The following B3GALT1 variants were observed in gnomAD, a reference collection of about 807,000 sequenced individuals.
B3GALT1 encodes UDP-Gal:betaGlcNAc beta 1,3-galactosyltransferase, polypeptide 1.
A neutral mutation model predicts 23.2 loss-of-function variants in B3GALT1; 10 were observed. The ratio of observed to expected loss-of-function variants is 0.43; its 90% CI spans 0.27 to 0.73. The LOEUF is 0.73. Ranked by LOEUF, B3GALT1 falls within the 30% of genes least tolerant of loss-of-function variation. B3GALT1 has a pLI of 0.21. For synonymous variants in B3GALT1, 156 were observed against 141.5 expected (o/e 1.10, Z -0.73); for missense variants, 299 against 405.4 (o/e 0.74, Z 2.25).
At chr2:167,358,564 A>T (rs1042852907) in intron 1 of B3GALT1, among the ~76,000 whole-genome samples, 8 of 152,242 alleles carry the variant, frequency 5.3e-5, no homozygotes, top group African/African-American at 1.9e-4. Flanking sequence ...TTTTTTAGTA[A>T]TAATGACTAT....
intron 2 of B3GALT1, among the ~76,000 whole-genome samples, chr2:167,498,608 C>G (rs901157023): frequency 6.6e-6 from 1 of 151,976 alleles, no homozygotes; most frequent in African/African-American, 2.4e-5. Context: ...AGAATGGGAA[C>G]AGATCTTAAT....
intron 2 of B3GALT1, among the ~76,000 whole-genome samples, chr2:167,558,546 T>A (rs934456522): frequency 1.3e-5 from 2 of 152,180 alleles, no homozygotes; most frequent in African/African-American, 4.8e-5. Context: ...GGAGTTCCCT[T>A]TCCTGGTCAA....
At chr2:167,652,979 G>A (rs1292978842) in intron 3 of B3GALT1, among the ~76,000 whole-genome samples, 1 of 152,060 alleles carries the variant, frequency 6.6e-6, no homozygotes, top group Non-Finnish European at 1.5e-5. Context: ...TGTGTCTTGT[G>A]TGTAGAAAAA....
At chr2:167,492,027 T>G (rs1237750983) in intron 2 of B3GALT1, among the ~76,000 whole-genome samples, 2 of 152,166 alleles carry the variant, frequency 1.3e-5, no homozygotes, top group Admixed American at 6.5e-5. Flanking sequence ...GTCTTTATAT[T>G]GGATATTTCA....
intron 2 of B3GALT1, among the ~76,000 whole-genome samples, chr2:167,593,161 A>G (rs1431734052): frequency 6.6e-6 from 1 of 152,224 alleles, no homozygotes; most frequent in Admixed American, 6.5e-5. Context: ...GTGCAAGAAT[A>G]TTATTTTTAG....
intron 4 of B3GALT1, among the ~76,000 whole-genome samples, chr2:167,829,109 C>T (rs561915466): frequency 2.6e-5 from 4 of 152,324 alleles, no homozygotes; most frequent in East Asian, 3.9e-4. Flanking sequence ...AAAAGCAATA[C>T]GTTAATAACT....
At position 167,350,258 on chromosome 2, in the gene B3GALT1, A is replaced by C. The variant is rs374976528; in HGVS notation, c.-511+56924A>C. Among the ~76,000 whole-genome samples, 4 of 152,314 alleles carry C rather than the reference A, an allele frequency of 2.6e-5. No individual in the cohort carries two copies. The South Asian group carries it at 8.3e-4, about 32-fold the overall frequency. Reference sequence around the variant, plus strand: ...AATCTCCTTGAAGTACAGTTTGTTCATCATTTGAAGATGAAGATAATAGCA... The same window carrying C: ...AATCTCCTTGAAGTACAGTTTGTTCCTCATTTGAAGATGAAGATAATAGCA... On this transcript the variant is annotated intron_variant, in intron 1 of 4. Coordinates refer to ENST00000392690, the MANE Select transcript of B3GALT1 (RefSeq NM_020981.4).
chr2:167,492,877 A>ATGTGTGTGTGTGTGTG (rs61117741), intron 2 of B3GALT1, among the ~76,000 whole-genome samples: 1 of 149,090 alleles, frequency 6.7e-6, no homozygotes, highest in African/African-American at 2.5e-5. Flanking sequence ...GTATTTAGAG[A>ATGTGTGTGTGTGTGTG]TGTGTGTGTG....
chr2:167,780,952 C>T (rs1688235620), intron 3 of B3GALT1, among the ~76,000 whole-genome samples: 1 of 152,146 alleles, frequency 6.6e-6, no homozygotes, highest in Non-Finnish European at 1.5e-5. Flanking sequence ...GAACTGTTCC[C>T]TTTAAAGGAC....
intron 3 of B3GALT1, among the ~76,000 whole-genome samples, chr2:167,670,547 C>G (rs375433229): frequency 1.3e-5 from 2 of 152,088 alleles, no homozygotes; most frequent in African/African-American, 4.8e-5. Context: ...AATAATTTTC[C>G]AGTAACAACC....
chr2:167,653,074 A>T (rs1685894327), intron 3 of B3GALT1, among the ~76,000 whole-genome samples: 1 of 152,178 alleles, frequency 6.6e-6, no homozygotes, highest in Non-Finnish European at 1.5e-5. Context: ...ATTGAAGGGA[A>T]TATCTACAAA....
chr2:167,585,885 T>A (rs1447581223), intron 2 of B3GALT1, among the ~76,000 whole-genome samples: 1 of 152,206 alleles, frequency 6.6e-6, no homozygotes, highest in Non-Finnish European at 1.5e-5. Context: ...GTCTTAAACA[T>A]ACTATTATGC....
chr2:167,814,819 T>C (rs759754839), intron 3 of B3GALT1: 2 of 152,218 alleles, frequency 1.3e-5, no homozygotes, highest in Non-Finnish European at 2.9e-5. Flanking sequence ...GAGATAGATA[T>C]GGAAGCAATC....
chr2:167,830,531 C>T (rs1689327167), intron 4 of B3GALT1, among the ~76,000 whole-genome samples: 1 of 152,122 alleles, frequency 6.6e-6, no homozygotes, highest in African/African-American at 2.4e-5. Flanking sequence ...AATATGGGCC[C>T]ATGTGCTGCC....
At chr2:167,576,520 G>GTTTTTTTTTTTTT (rs67961883) in intron 2 of B3GALT1, among the ~76,000 whole-genome samples, 2 of 122,396 alleles carry the variant, frequency 1.6e-5, no homozygotes, top group Non-Finnish European at 1.8e-5. Context: ...TTGTTTTTCT[G>GTTTTTTTTTTTTT]TTTTTTTTTT....
In B3GALT1 at chr2:167,870,051, CT is replaced by C; in HGVS notation, c.*38del. The C allele has an allele frequency of 6.5e-7, 1 of 1,540,038 alleles. No individual in the cohort carries two copies. The highest frequency in any genetic ancestry group is 8.8e-7 in the Non-Finnish European group (1 of 1,141,742). ...TTACCAATGTAAATATGTTTCTTTTCTTTTTTTAAGAAATGGGACCTAAGGT... is the reference window on the plus strand; with the variant it reads ...TTACCAATGTAAATATGTTTCTTTTCTTTTTTAAGAAATGGGACCTAAGGT... On this transcript the variant is annotated 3_prime_UTR_variant, in exon 5 of 5. Coordinates refer to ENST00000392690, the MANE Select transcript of B3GALT1 (RefSeq NM_020981.4).
At chr2:167,718,235 A>T (rs1020782053) in intron 3 of B3GALT1, among the ~76,000 whole-genome samples, 2 of 152,130 alleles carry the variant, frequency 1.3e-5, no homozygotes, top group African/African-American at 2.4e-5. Flanking sequence ...GTTGTGTTAA[A>T]TGTGGATTAA....
intron 2 of B3GALT1, among the ~76,000 whole-genome samples, chr2:167,577,469 A>G (rs1019032565): frequency 1.3e-4 from 20 of 152,004 alleles, no homozygotes; most frequent in African/African-American, 4.8e-4. Context: ...TTTTATTTTT[A>G]TGATGAGCAT....
chr2:167,368,013 C>CT (rs1559077003), intron 1 of B3GALT1, among the ~76,000 whole-genome samples: 1 of 152,190 alleles, frequency 6.6e-6, no homozygotes, highest in Non-Finnish European at 1.5e-5. Flanking sequence ...CTGTAGCACT[C>CT]TGCTGTGAAT....
Sources: allele counts gnomAD v4.1 joint callset (sites outside exome capture counted in the v4.1 genomes callset), GRCh38; gene constraint gnomAD v4.1.1; transcripts MANE v1.5; gene names NCBI Gene and HGNC (gene_info 2026-07-23, HGNC 2026-07-21).